The following KDM2B variants were observed in gnomAD, a reference collection of about 807,000 sequenced individuals.
The protein encoded by KDM2B is lysine demethylase 2B.
Under a neutral mutation model 150.0 loss-of-function variants are expected in KDM2B, and 26 were observed. The ratio of observed to expected loss-of-function variants is 0.17; its 90% CI spans 0.13 to 0.24. KDM2B has a LOEUF of 0.24. KDM2B is among the 10% of genes least tolerant of loss of function. KDM2B has a pLI of 1.00. For synonymous variants in KDM2B, 734 were observed against 729.5 expected, an observed-to-expected ratio of 1.01 and a Z score of -0.10; for missense variants, 1,265 against 1,816.9, an observed-to-expected ratio of 0.70 and a Z score of 5.52.
chr12:121,432,815 A>G (rs1368123941), intron 22 of KDM2B, among the ~76,000 whole-genome samples: 3 of 152,208 alleles, frequency 2.0e-5, no homozygotes, highest in Non-Finnish European at 4.4e-5. Context: ...CTCCATCACC[A>G]GCTCAGGGAT....
the KDM2B span, among the ~76,000 whole-genome samples, chr12:121,421,450 G>T: frequency 6.7e-6 from 1 of 148,714 alleles, no homozygotes; most frequent in African/African-American, 2.4e-5. Flanking sequence ...CTACTTGGGA[G>T]GCTGAGGGGG....
chr12:121,465,309 C>A (rs564658487), intron 12 of KDM2B, among the ~76,000 whole-genome samples: 5 of 152,284 alleles, frequency 3.3e-5, no homozygotes, highest in African/African-American at 1.2e-4. Context: ...CTCATTGCAA[C>A]CGCAACCTCC....
intron 10 of KDM2B, 98 bp from the exon 11 acceptor site, chr12:121,510,137 G>A (rs868983189): frequency 1.9e-6 from 2 of 1,054,370 alleles, no homozygotes; most frequent in African/African-American, 1.6e-5. Context: ...TTACTCCAGA[G>A]ATCCAGCTTC....
downstream of KDM2B, chr12:121,424,340 T>C (rs1872405017): frequency 6.6e-6 from 1 of 152,656 alleles, no homozygotes; most frequent in Admixed American, 6.5e-5. Flanking sequence ...TAAAATTAGT[T>C]TTAAAAGCTT....
chr12:121,552,559 G>T (rs1200687108), intron 4 of KDM2B, among the ~76,000 whole-genome samples: 1 of 152,002 alleles, frequency 6.6e-6, no homozygotes, highest in African/African-American at 2.4e-5. Flanking sequence ...TGTAATCCCA[G>T]CTACTTGGGA....
the KDM2B span, chr12:121,420,310 T>G: frequency 6.3e-7 from 1 of 1,579,788 alleles, no homozygotes; most frequent in Non-Finnish European, 8.6e-7. Context: ...ATGATGATGA[T>G]GAAGAAGAAA....
intron 11 of KDM2B, among the ~76,000 whole-genome samples, chr12:121,498,025 G>A (rs1884156467): frequency 6.6e-6 from 1 of 152,088 alleles, no homozygotes; most frequent in Non-Finnish European, 1.5e-5. Context: ...GAACCCAGTA[G>A]GCAGAGGTTG....
At chr12:121,414,331 T>A in the KDM2B span, among the ~76,000 whole-genome samples, 1 of 152,266 alleles carries the variant, frequency 6.6e-6, no homozygotes, top group Non-Finnish European at 1.5e-5. Flanking sequence ...CTATTCGTTC[T>A]AAACACTATA....
Position 121,461,578 on chromosome 12 carries a change from G to A in KDM2B, c.1735-8234C>T, listed in dbSNP as rs141725851. On this transcript the variant is annotated intron_variant, in intron 12 of 22. Coordinates refer to ENST00000377071, the MANE Select transcript of KDM2B (RefSeq NM_032590.5). ...GACCCGGTGATTGGCTGAACATGGG[G>A]TATGCAAGCAGACTTCTGGAGGACT... Among the ~76,000 whole-genome samples, 72 of 152,284 alleles carry A rather than the reference G, an allele frequency of 4.7e-4. 2 individuals are homozygous for A. In the East Asian group the frequency reaches 0.011, roughly 24 times the overall value.
In KDM2B at chr12:121,537,835, G is replaced by A. The variant is rs1888271006; in HGVS notation, c.684-3245C>T. Among the ~76,000 whole-genome samples the A allele has an allele frequency of 6.6e-6, 1 of 151,784 alleles. No individual in the cohort carries two copies. The highest frequency in any genetic ancestry group is 2.4e-5 in the African/African-American group (1 of 41,370). On this transcript the variant is annotated intron_variant, in intron 6 of 22. Transcript: ENST00000377071. This position sits in a 1 kb window ranked among gnomAD's most constrained non-coding sequence, Gnocchi z 8.7. ...CCGCGACGCCGGCCCTGTAGCCCGC[G>A]GGCGGGAGGCCACCCACACCCGCCC...
At chr12:121,512,620 G>C (rs1048192371) in intron 10 of KDM2B, among the ~76,000 whole-genome samples, 2 of 152,114 alleles carry the variant, frequency 1.3e-5, no homozygotes, top group East Asian at 1.9e-4. Flanking sequence ...GAGGAATCAC[G>C]TTCTTCCTCT....
At chr12:121,491,029 G>T (rs1377605462) in intron 12 of KDM2B, among the ~76,000 whole-genome samples, 1 of 152,104 alleles carries the variant, frequency 6.6e-6, no homozygotes, top group Admixed American at 6.6e-5. Context: ...CAGAGACCCC[G>T]GGCAGCCCAG....
At chr12:121,470,273 T>C (rs1380786006) in intron 12 of KDM2B, 3 of 152,162 alleles carry the variant, frequency 2.0e-5, no homozygotes, top group Non-Finnish European at 4.4e-5. Context: ...TCAACTATCA[T>C]GGCTCAAAGA....
chr12:121,444,067 T>C lies in KDM2B; in HGVS notation c.2396A>G (p.His799Arg). 1.9e-6 allele frequency: 3 copies of C among 1,613,946 alleles called. No individual in the cohort carries two copies. Among genetic ancestry groups the C allele is most frequent in the Non-Finnish European group, 2.5e-6 (3 of 1,179,974 alleles). ...GLLRRKSDDV[H>R]LRKKRKYEKP... ...CTCGTATTTCCGCTTCTTCCTCAGG[T>C]GCACGTCGTCAGACTTTCTGCGCAG... The change falls in exon 16 of 23, where the codon CAC becomes CGC. Residue 799 changes from histidine to arginine, a missense_variant. By Grantham distance (29) the His-to-Arg change is conservative (BLOSUM62 0). Coordinates refer to ENST00000377071, the MANE Select transcript of KDM2B (RefSeq NM_032590.5).
chr12:121,558,432 G>A (rs995764787), intron 4 of KDM2B, among the ~76,000 whole-genome samples: 4 of 151,362 alleles, frequency 2.6e-5, no homozygotes, highest in Admixed American at 1.3e-4. Flanking sequence ...GTGTGGAGAA[G>A]GCCTGTGTTT....
intron 4 of KDM2B, among the ~76,000 whole-genome samples, chr12:121,567,185 C>T (rs1890763098): frequency 6.6e-6 from 1 of 151,896 alleles, no homozygotes; most frequent in Non-Finnish European, 1.5e-5. Flanking sequence ...CCGCCCCCCA[C>T]CTGGGAATAT....
intron 13 of KDM2B, among the ~76,000 whole-genome samples, chr12:121,447,575 CAG>C (rs1555290606): frequency 1.3e-5 from 2 of 152,024 alleles, no homozygotes; most frequent in Non-Finnish European, 1.5e-5. Flanking sequence ...TCAGACATAA[CAG>C]AGATTTACAA....
rs1888261155 is a variant in KDM2B at position 121,537,773 on chromosome 12, C to G, written c.684-3183G>C. ...CGGGAGGTGCCAAGAGCGCGCCGCA[C>G]ACTCGCACCCGACCCCGGGAGACAC... On this transcript the variant is annotated intron_variant, in intron 6 of 22. Transcript: ENST00000377071. The surrounding 1 kb of genome is among the most constrained non-coding windows in gnomAD (Gnocchi z 8.7). Among the ~76,000 whole-genome samples, 1 of 152,052 alleles carries G rather than the reference C, an allele frequency of 6.6e-6. No homozygotes were observed. The highest frequency in any genetic ancestry group is 1.5e-5 in the Non-Finnish European group (1 of 67,948).
At chr12:121,574,837 T>C (rs576998734) in intron 3 of KDM2B, among the ~76,000 whole-genome samples, 1 of 152,234 alleles carries the variant, frequency 6.6e-6, no homozygotes, top group African/African-American at 2.4e-5. Flanking sequence ...CAGCAGAGGG[T>C]AGGACATCCA....
Sources: gnomAD v4.1 joint callset for allele counts (sites outside exome capture counted in the v4.1 genomes callset) on GRCh38, gnomAD v4.1.1 for gene constraint, Gnocchi (gnomAD v3.1) non-coding constraint, MANE v1.5 for transcripts, NCBI Gene and HGNC (gene_info 2026-07-23, HGNC 2026-07-21) for gene names.